Variants in PTPRN2 observed in about 807,000 individuals in gnomAD.
PTPRN2 encodes receptor-type tyrosine-protein phosphatase N2.
A neutral mutation model predicts 118.8 loss-of-function variants in PTPRN2; 74 were observed. That is an observed-to-expected ratio of 0.62 (90% CI 0.52 to 0.76). The LOEUF is 0.76. PTPRN2 is among the 30% of genes least tolerant of loss of function. The pLI is 0.00. For missense variants in PTPRN2, 1,481 were observed against 1,394.4 expected (o/e 1.06, Z -0.99); for synonymous variants, 641 against 608.0 (o/e 1.05, Z -0.80).
rs190749889 is a variant in PTPRN2 at position 157,705,555 on chromosome 7, T to C, written c.1789-22618A>G. ...ATCCCCCAGAATGCTGGGAATTGAG[T>C]GAATCTGACCCAGGTGCCTTCCGGA... On this transcript the variant is annotated intron_variant, in intron 12 of 22. Coordinates refer to ENST00000389418, the MANE Select transcript of PTPRN2 (RefSeq NM_002847.5). Among the ~76,000 whole-genome samples, 827 of 151,784 alleles carry C rather than the reference T, an allele frequency of 5.4e-3. 5 individuals are homozygous for C. The highest frequency in any genetic ancestry group is 7.6e-3 in the Non-Finnish European group (519 of 67,946).
chr7:158,009,650 T>C (rs1474377303), intron 11 of PTPRN2, among the ~76,000 whole-genome samples: 1 of 152,180 alleles, frequency 6.6e-6, no homozygotes, highest in Non-Finnish European at 1.5e-5. Context: ...TAAGGACACA[T>C]TTAAATTCTG....
At chr7:157,945,376 C>T (rs533774998) in intron 11 of PTPRN2, among the ~76,000 whole-genome samples, 12 of 152,292 alleles carry the variant, frequency 7.9e-5, no homozygotes, top group East Asian at 1.9e-4. Context: ...GAAGACCCCC[C>T]GCCTGCCTCT....
In PTPRN2 at chr7:158,234,572, C is replaced by CA. The variant is rs565961691; in HGVS notation, c.278-29300dup. 5.3e-5 allele frequency among the ~76,000 whole-genome samples: 8 copies of CA among 150,740 alleles called. No homozygotes were observed. The South Asian group carries it at 1.0e-3, about 20-fold the overall frequency. On this transcript the variant is annotated intron_variant, in intron 3 of 22. Coordinates refer to ENST00000389418, the MANE Select transcript of PTPRN2 (RefSeq NM_002847.5). ...GATATAGTCATCAAATAAAAACATA[C>CA]AAATGGCCAACAGGTATAGTCATCA...
chr7:158,236,073 C>A (rs1400132542), intron 3 of PTPRN2, among the ~76,000 whole-genome samples: 1 of 152,168 alleles, frequency 6.6e-6, no homozygotes, highest in African/African-American at 2.4e-5. Context: ...GACGACAGTG[C>A]AGAGCCCACA....
chr7:158,317,441 G>A (rs1369481874), intron 2 of PTPRN2, among the ~76,000 whole-genome samples: 1 of 152,252 alleles, frequency 6.6e-6, no homozygotes, highest in Non-Finnish European at 1.5e-5. Flanking sequence ...CGGCGCAGGA[G>A]AGGCGCGGGG....
chr7:157,709,076 T>A, intron 12 of PTPRN2, among the ~76,000 whole-genome samples: 1 of 152,334 alleles, frequency 6.6e-6, no homozygotes, highest in East Asian at 1.9e-4. Context: ...GAGAGACAAC[T>A]GTGGCTTCTG....
intron 3 of PTPRN2, among the ~76,000 whole-genome samples, chr7:158,265,039 G>A (rs76960823): frequency 0.019 from 2,909 of 152,192 alleles, 109 homozygotes; most frequent in African/African-American, 0.067. Context: ...CAGCCCCCAA[G>A]CCTGGTGACA....
intron 1 of PTPRN2, among the ~76,000 whole-genome samples, chr7:158,553,615 C>T (rs1240361313): frequency 6.6e-6 from 1 of 151,968 alleles, no homozygotes; most frequent in Non-Finnish European, 1.5e-5. Flanking sequence ...TAGGAGTCTA[C>T]ACCACCTTCC....
At chr7:158,143,726 G>T (rs1819610881) in intron 6 of PTPRN2, among the ~76,000 whole-genome samples, 1 of 152,170 alleles carries the variant, frequency 6.6e-6, no homozygotes, top group African/African-American at 2.4e-5. Flanking sequence ...CATTATTTCT[G>T]ATGTCACGAT....
chr7:157,644,044 G>A (rs933068372), intron 14 of PTPRN2, among the ~76,000 whole-genome samples: 7 of 152,186 alleles, frequency 4.6e-5, no homozygotes, highest in African/African-American at 7.2e-5. Context: ...ATCAGGCGTC[G>A]GTCCCTGTTA....
chr7:158,225,946 C>G (rs1212779117), intron 3 of PTPRN2, among the ~76,000 whole-genome samples: 1 of 151,796 alleles, frequency 6.6e-6, no homozygotes, highest in African/African-American at 2.4e-5. Flanking sequence ...AGGAGGACGT[C>G]AAAGCTACAT....
At chr7:157,833,594 G>A (rs59853129) in intron 12 of PTPRN2, among the ~76,000 whole-genome samples, 14 of 152,024 alleles carry the variant, frequency 9.2e-5, no homozygotes, top group Admixed American at 4.6e-4. Context: ...TTGTAAACTC[G>A]TTCAGGAAGT....
At chr7:158,280,050 C>T (rs564314177) in intron 3 of PTPRN2, among the ~76,000 whole-genome samples, 12 of 152,226 alleles carry the variant, frequency 7.9e-5, no homozygotes, top group Admixed American at 2.6e-4. Flanking sequence ...CACGCCCCAC[C>T]GCTGCCCCCA....
chr7:158,535,428 C>G (rs1825588964), intron 1 of PTPRN2, among the ~76,000 whole-genome samples: 2 of 152,138 alleles, frequency 1.3e-5, no homozygotes, highest in Admixed American at 1.3e-4. Flanking sequence ...TGGTAAGAAC[C>G]TGCAATGGGA....
intron 6 of PTPRN2, among the ~76,000 whole-genome samples, chr7:158,139,715 A>T (rs937103141): frequency 2.0e-5 from 3 of 152,170 alleles, no homozygotes; most frequent in African/African-American, 2.4e-5. Flanking sequence ...CGCTCCACAC[A>T]TGAGAATGGA....
chr7:158,415,564 T>G (rs1245876904), intron 2 of PTPRN2, among the ~76,000 whole-genome samples: 1 of 152,174 alleles, frequency 6.6e-6, no homozygotes, highest in Non-Finnish European at 1.5e-5. Context: ...ACTGTGGATG[T>G]ACAGAAAGGG....
In PTPRN2 at chr7:157,627,013, T is replaced by G. The variant is rs1299535843; in HGVS notation, c.2197-5504A>C. On this transcript the variant is annotated intron_variant, in intron 14 of 22. Transcript: ENST00000389418. The surrounding 1 kb of genome is among the most constrained non-coding windows in gnomAD (Gnocchi z 4.2). ...GAACCTAACAGCAGTCGTATAAATT[T>G]GGAAGGGCAACAGTTCAGAGAGCTC... Among the ~76,000 whole-genome samples, 1 of 152,250 alleles carries G rather than the reference T, an allele frequency of 6.6e-6. No homozygotes were observed. The highest frequency in any genetic ancestry group is 1.5e-5 in the Non-Finnish European group (1 of 68,044).
chr7:158,248,548 T>C (rs1471743994), intron 3 of PTPRN2, among the ~76,000 whole-genome samples: 3 of 152,202 alleles, frequency 2.0e-5, no homozygotes, highest in African/African-American at 2.4e-5. Flanking sequence ...TGCACACATA[T>C]CACATATGTG....
At chr7:158,027,297 A>G (rs1308945783) in intron 11 of PTPRN2, 1 of 152,262 alleles carries the variant, frequency 6.6e-6, no homozygotes, top group Admixed American at 6.5e-5. Context: ...GTGGTGGAGG[A>G]AATACTCTCA....
Sources: gnomAD v4.1 joint callset for allele counts (sites outside exome capture counted in the v4.1 genomes callset) on GRCh38, gnomAD v4.1.1 for gene constraint, Gnocchi (gnomAD v3.1) non-coding constraint, MANE v1.5 for transcripts, NCBI Gene and HGNC (gene_info 2026-07-23, HGNC 2026-07-21) for gene names.